Variants in ATP5MC2 observed in about 807,000 individuals in gnomAD.
ATP5MC2 encodes the protein ATP synthase F(0) complex subunit C2, mitochondrial.
ATP5MC2 carries 11 observed loss-of-function variants against 13.5 expected under a neutral mutation model. The ratio of observed to expected loss-of-function variants is 0.81; its 90% CI spans 0.51 to 1.35. The LOEUF is 1.35. Among genes scored for constraint, ATP5MC2 ranks in the 40% most tolerant of loss-of-function variants. The pLI, the probability that ATP5MC2 is intolerant of heterozygous loss-of-function variation, is 0.00. For missense variants in ATP5MC2, 132 were observed against 175.0 expected (o/e 0.75, Z 1.39); for synonymous variants, 64 against 69.7 (o/e 0.92, Z 0.41).
At chr12:53,675,420 G>A (rs534529974) in intron 1 of ATP5MC2, among the ~76,000 whole-genome samples, 9 of 152,276 alleles carry the variant, frequency 5.9e-5, no homozygotes, top group Non-Finnish European at 1.2e-4. Context: ...ATGCGAGAAA[G>A]GTACTGGTAA....
chr12:53,674,017 T>C (rs1383023807), intron 1 of ATP5MC2: 1 of 152,442 alleles, frequency 6.6e-6, no homozygotes, highest in Admixed American at 6.6e-5. Flanking sequence ...TATTAAAAAA[T>C]GCATATTCTT....
At chr12:53,670,055 T>C (rs755182398) in intron 2 of ATP5MC2, 107 bp from the exon 3 acceptor site, 5 of 995,246 alleles carry the variant, frequency 5.0e-6, no homozygotes, top group Non-Finnish European at 7.9e-6. Context: ...TTTCCTCTCA[T>C]GGCCTTTCCA....
chr12:53,669,195 C>A lies in ATP5MC2; in HGVS notation c.264G>T (p.Gly88=). 6.2e-7 allele frequency: 1 copy of A among 1,613,896 alleles called. No individual in the cohort carries two copies. Among genetic ancestry groups the A allele is most frequent in the Non-Finnish European group, 8.5e-7 (1 of 1,179,872 alleles). ...TCCCAAACACAGTTCCAATCCCAGC[C>A]CCAGAACCAGCCACCCCAACTGTGG... ...GAATVGVAGS[G]AGIGTVFGSL... is the part of the protein sequence containing the mutation. Residue 88 remains glycine, a synonymous_variant, in exon 4 of 5, where the codon GGG becomes GGT. Transcript: ENST00000394349.
upstream of ATP5MC2, chr12:53,676,143 C>T (rs1315936408): frequency 5.0e-6 from 8 of 1,614,272 alleles, no homozygotes; most frequent in South Asian, 8.8e-5. Flanking sequence ...GCCAACGAGT[C>T]GCTCAGCCAC....
chr12:53,676,389 A>T (rs1945279540), upstream of ATP5MC2: 1 of 713,662 alleles, frequency 1.4e-6, no homozygotes, highest in African/African-American at 1.8e-5. Context: ...GAGCATGCGC[A>T]GTCGTCACAC....
chr12:53,668,625 A>G (rs1945003779), intron 4 of ATP5MC2, among the ~76,000 whole-genome samples: 1 of 152,096 alleles, frequency 6.6e-6, no homozygotes, highest in African/African-American at 2.4e-5. Flanking sequence ...GCATTGTTGA[A>G]TATGGTAGCC....
chr12:53,671,058 T>C (rs971131924), intron 2 of ATP5MC2, among the ~76,000 whole-genome samples: 1 of 152,136 alleles, frequency 6.6e-6, no homozygotes, highest in Non-Finnish European at 1.5e-5. Flanking sequence ...TAACTTTCCC[T>C]GAACACATCC....
intron 1 of ATP5MC2, among the ~76,000 whole-genome samples, chr12:53,674,359 T>A (rs1049818755): frequency 6.6e-6 from 1 of 152,180 alleles, no homozygotes; most frequent in Non-Finnish European, 1.5e-5. Flanking sequence ...ACAAAAAAGA[T>A]CTCTGGGAAT....
chr12:53,674,235 T>A (rs768267345), intron 1 of ATP5MC2, among the ~76,000 whole-genome samples: 11 of 152,164 alleles, frequency 7.2e-5, no homozygotes, highest in Non-Finnish European at 1.5e-4. Flanking sequence ...TCCCAGCTAC[T>A]CCAGAAGCTG....
intron 1 of ATP5MC2, chr12:53,672,961 C>T (rs1045031697): frequency 8.0e-6 from 2 of 249,966 alleles, no homozygotes; most frequent in Non-Finnish European, 1.6e-5. Context: ...GTGTCTTTTG[C>T]CTAAGTTTTC....
At chr12:53,675,910 A>C (rs1452041700) in intron 1 of ATP5MC2, 143 bp downstream of exon 1, 3 of 1,289,134 alleles carry the variant, frequency 2.3e-6, no homozygotes, top group African/African-American at 3.0e-5. Context: ...GCCAACTCTA[A>C]GGCTAAGGGA....
At chr12:53,667,497 G>A (rs1478889193) in intron 4 of ATP5MC2, among the ~76,000 whole-genome samples, 5 of 148,036 alleles carry the variant, frequency 3.4e-5, no homozygotes, top group South Asian at 2.3e-4. Flanking sequence ...TTAAAAATGC[G>A]AAACTATTTT....
At chr12:53,671,798 G>A (rs1412235091) in intron 2 of ATP5MC2, among the ~76,000 whole-genome samples, 1 of 152,120 alleles carries the variant, frequency 6.6e-6, no homozygotes, top group Non-Finnish European at 1.5e-5. Context: ...TTAGGAGGCC[G>A]AGGACGGCGG....
At chr12:53,665,463 A>C in intron 4 of ATP5MC2, 35 bp from the exon 5 acceptor site, 1 of 1,503,414 alleles carries the variant, frequency 6.7e-7, no homozygotes, top group Non-Finnish European at 9.3e-7. Flanking sequence ...CTGAATTTCT[A>C]GTTCACACAA....
At chr12:53,677,455 G>A (rs1945305981), upstream of ATP5MC2, 1 of 152,244 alleles carries the variant, frequency 6.6e-6, no homozygotes, top group African/African-American at 2.4e-5. Flanking sequence ...GAATTTCAAT[G>A]CGGCCAATCC....
intron 1 of ATP5MC2, among the ~76,000 whole-genome samples, chr12:53,675,503 G>A (rs1945237029): frequency 2.0e-5 from 3 of 152,186 alleles, no homozygotes; most frequent in Admixed American, 6.5e-5. Context: ...CTAACGGGAG[G>A]CGATGTTTTG....
At chr12:53,676,213 C>A, upstream of ATP5MC2, 1 of 1,605,658 alleles carries the variant, frequency 6.2e-7, no homozygotes, top group South Asian at 1.1e-5. Flanking sequence ...CCTGCCAGGG[C>A]TGTGGCGGTA....
At chr12:53,665,925 T>A (rs1016061858) in intron 4 of ATP5MC2, among the ~76,000 whole-genome samples, 1 of 152,220 alleles carries the variant, frequency 6.6e-6, no homozygotes. Flanking sequence ...CCTAAGGATT[T>A]ATGGAACACC....
At chr12:53,666,878 A>G (rs954859303) in intron 4 of ATP5MC2, among the ~76,000 whole-genome samples, 1 of 151,272 alleles carries the variant, frequency 6.6e-6, no homozygotes, top group African/African-American at 2.4e-5. Flanking sequence ...CCCGGGAGGC[A>G]GAGATTGCAG....
Sources: gnomAD v4.1 joint callset for allele counts (sites outside exome capture counted in the v4.1 genomes callset) on GRCh38, gnomAD v4.1.1 for gene constraint, MANE v1.5 for transcripts, NCBI Gene and HGNC (gene_info 2026-07-23, HGNC 2026-07-21) for gene names.